MAP4: variants seen among roughly 807,000 people sequenced by gnomAD.
The protein encoded by MAP4 is microtubule-associated protein 4.
MAP4 carries 76 observed loss-of-function variants against 170.2 expected under a neutral mutation model. That is an observed-to-expected ratio of 0.45 (90% CI 0.37 to 0.54). MAP4 has a LOEUF of 0.54. Among genes scored for constraint, MAP4 ranks in the 20% least tolerant of loss-of-function variants. The pLI is 0.00. For synonymous variants in MAP4, 909 were observed against 994.5 expected (o/e 0.91, Z 1.62); for missense variants, 2,506 against 2,748.0 (o/e 0.91, Z 1.97).
At chr3:48,020,638 G>A (rs548903878), upstream of MAP4, among the ~76,000 whole-genome samples, 4 of 152,074 alleles carry the variant, frequency 2.6e-5, no homozygotes, top group East Asian at 3.9e-4. Flanking sequence ...AAGTTGAAGA[G>A]ATCTTTCAAG....
Position 47,855,455 on chromosome 3 carries a change from C to T in MAP4, c.6584-95G>A. 7 of 777,798 alleles carry T rather than the reference C, an allele frequency of 9.0e-6. No individual in the cohort carries two copies. The highest frequency in any genetic ancestry group is 1.7e-5 in the African/African-American group (1 of 59,446). The allele number at this position is 777,798 out of a possible 1,614,324, so 48.2% of individuals were successfully genotyped here. On this transcript the variant is annotated intron_variant, in intron 18 of 20. Coordinates refer to ENST00000683076, the MANE Select transcript of MAP4 (RefSeq NM_001385682.1). The surrounding 1 kb of genome is among the most constrained non-coding windows in gnomAD (Gnocchi z 5.1). ...CGATATGCCCAATCTAGAAATGAGA[C>T]AGACGTGACCTGTTCTGGGTGGCAA...
chr3:48,080,766 G>T (rs1260422057), intron 1 of MAP4, among the ~76,000 whole-genome samples: 1 of 151,948 alleles, frequency 6.6e-6, no homozygotes, highest in Non-Finnish European at 1.5e-5. Flanking sequence ...GGATCACGAG[G>T]TCAGGAGATC....
chr3:48,008,368 G>A (rs1302089792), intron 1 of MAP4, among the ~76,000 whole-genome samples: 1 of 152,236 alleles, frequency 6.6e-6, no homozygotes, highest in Non-Finnish European at 1.5e-5. Context: ...AAAGTGGAGA[G>A]CTGCAGCACT....
chr3:47,929,897 G>A (rs546628577), intron 3 of MAP4, among the ~76,000 whole-genome samples: 1 of 152,224 alleles, frequency 6.6e-6, no homozygotes, highest in African/African-American at 2.4e-5. Flanking sequence ...GGGAGGCCGA[G>A]GCAGGCGGAT....
In MAP4 at chr3:47,868,547, C is replaced by T. The variant is rs141773507; in HGVS notation, c.6408+667G>A. On this transcript the variant is annotated intron_variant, in intron 16 of 20. Coordinates refer to ENST00000683076, the MANE Select transcript of MAP4 (RefSeq NM_001385682.1). ...TGCGGGCTTCTCTGGCAGAGGCACACCTACCTGCTACAGCTAAGGAAGGTA... is the reference window on the plus strand; with the variant it reads ...TGCGGGCTTCTCTGGCAGAGGCACATCTACCTGCTACAGCTAAGGAAGGTA... Among the ~76,000 whole-genome samples, 612 of 152,228 alleles carry T rather than the reference C, an allele frequency of 4.0e-3. 1 individual carries two copies. The highest frequency in any genetic ancestry group is 6.7e-3 in the Non-Finnish European group (454 of 67,994).
intron 1 of MAP4, among the ~76,000 whole-genome samples, chr3:48,049,782 C>A (rs566031389): frequency 8.7e-5 from 13 of 149,876 alleles, no homozygotes; most frequent in South Asian, 4.2e-4. Flanking sequence ...AACACACACA[C>A]AAAAAAATAG....
At chr3:47,862,376 GA>G (rs988874806) in intron 17 of MAP4, among the ~76,000 whole-genome samples, 1 of 76,642 alleles carries the variant, frequency 1.3e-5, no homozygotes, top group Non-Finnish European at 2.9e-5. Context: ...AAAAAAAAAA[GA>G]ATGGAGTGGG....
chr3:48,034,531 C>T (rs111905062), intron 1 of MAP4, among the ~76,000 whole-genome samples: 32 of 150,826 alleles, frequency 2.1e-4, no homozygotes, highest in Non-Finnish European at 3.7e-4. Context: ...AGTGAAACCC[C>T]GTCTCTACTA....
intron 2 of MAP4, among the ~76,000 whole-genome samples, chr3:47,991,374 A>G (rs960100467): frequency 6.6e-6 from 1 of 152,186 alleles, no homozygotes; most frequent in Non-Finnish European, 1.5e-5. Context: ...TTGTAAGAAC[A>G]TATCGAGAGC....
At chr3:47,887,594 C>A (rs986251126) in intron 10 of MAP4, among the ~76,000 whole-genome samples, 7 of 152,240 alleles carry the variant, frequency 4.6e-5, no homozygotes, top group Admixed American at 3.3e-4. Flanking sequence ...AATGCGAACG[C>A]ACCACGGCGC....
At chr3:47,858,922 A>T (rs963728949) in intron 17 of MAP4, among the ~76,000 whole-genome samples, 1 of 152,000 alleles carries the variant, frequency 6.6e-6, no homozygotes, top group Non-Finnish European at 1.5e-5. Flanking sequence ...AGGTCAGGAG[A>T]TCGAGACCAT....
intron 16 of MAP4, among the ~76,000 whole-genome samples, chr3:47,868,139 G>A (rs950394895): frequency 6.6e-6 from 1 of 152,188 alleles, no homozygotes; most frequent in African/African-American, 2.4e-5. Context: ...CAACCACACT[G>A]TATAGTACGG....
chr3:47,910,531 T>A lies in MAP4; in HGVS notation c.3890A>T (p.Glu1297Val). The A allele has an allele frequency of 6.5e-7, 1 of 1,536,078 alleles. No individual in the cohort carries two copies. Among genetic ancestry groups the A allele is most frequent in the Non-Finnish European group, 8.7e-7 (1 of 1,146,900 alleles). The change falls in exon 9 of 21, where the codon GAG becomes GTG. Residue 1297 changes from glutamate (E) to valine (V), a missense_variant. By Grantham distance (121) the Glu-to-Val change is moderately radical. This residue lies in a region of MAP4 where 2,008 missense variants were observed against 2,206.0 expected (regional missense o/e 0.91). Coordinates refer to ENST00000683076, the MANE Select transcript of MAP4 (RefSeq NM_001385682.1). ...KGGNFQVNFVELGTLGENKIS... is the reference protein window; with the variant it reads ...KGGNFQVNFVVLGTLGENKIS... ...CTTGTTTTCCCCAAGAGTCCCAAGC[T>A]CAACAAAATTAACCTGAAAATTTCC...
intron 3 of MAP4, among the ~76,000 whole-genome samples, chr3:47,954,652 G>A (rs2100066595): frequency 1.3e-5 from 2 of 152,150 alleles, no homozygotes; most frequent in Admixed American, 6.5e-5. Flanking sequence ...GAGTGACTAC[G>A]GATTAGAGAA....
chr3:47,971,838 A>G (rs958856327), intron 3 of MAP4, among the ~76,000 whole-genome samples: 5 of 152,144 alleles, frequency 3.3e-5, no homozygotes, highest in East Asian at 1.9e-4. Flanking sequence ...CTAGCCTCCC[A>G]CCATATTATC....
chr3:47,988,904 CT>C (rs2100090548), intron 2 of MAP4, among the ~76,000 whole-genome samples: 1 of 152,110 alleles, frequency 6.6e-6, no homozygotes, highest in South Asian at 2.1e-4. Context: ...CCTCCACCTT[CT>C]GGGTTCAAGA....
chr3:48,014,790 A>C (rs1224005999), intron 1 of MAP4, among the ~76,000 whole-genome samples: 1 of 152,234 alleles, frequency 6.6e-6, no homozygotes, highest in Non-Finnish European at 1.5e-5. Flanking sequence ...TGCAGTAGCC[A>C]GCATTCTCTT....
chr3:47,949,653 T>C lies in MAP4; in HGVS notation c.293-21303A>G, dbSNP rs555368537. Among the ~76,000 whole-genome samples, 3 of 152,270 alleles carry C rather than the reference T, an allele frequency of 2.0e-5. No individual in the cohort carries two copies. In the East Asian group the frequency reaches 5.8e-4, roughly 29 times the overall value. ...GCATAGGTTAAGAGGTATGATATAT[T>C]AGTTATCAATTTATTGCCTTTCAGT... is the stretch of plus-strand genomic sequence containing the variant. On this transcript the variant is annotated intron_variant, in intron 3 of 20. Transcript: ENST00000683076.
At chr3:48,079,381 CAGTGGCTCACGTCTGT>C in intron 1 of MAP4, among the ~76,000 whole-genome samples, 1 of 152,158 alleles carries the variant, frequency 6.6e-6, no homozygotes, top group East Asian at 1.9e-4. Flanking sequence ...GAGCTGGGTG[CAGTGGCTCACGTCTGT>C]AATCCCAGCA....
Sources: gnomAD v4.1 joint callset for allele counts (sites outside exome capture counted in the v4.1 genomes callset) on GRCh38, gnomAD v4.1.1 for gene constraint, gnomAD v4.1.1 regional missense constraint, Gnocchi (gnomAD v3.1) non-coding constraint, MANE v1.5 for transcripts, NCBI Gene and HGNC (gene_info 2026-07-23, HGNC 2026-07-21) for gene names.